Variants in ATP8A2 observed in about 807,000 individuals in gnomAD.
The protein encoded by ATP8A2 is ATPase phospholipid transporting 8A2, also known as phospholipid-transporting ATPase IB.
In ATP8A2, 100 loss-of-function variants were observed where a neutral mutation model predicts 165.6. The observed-to-expected ratio is 0.60, with a 90% confidence interval of 0.51 to 0.71. ATP8A2 has a LOEUF of 0.71. Ranked by LOEUF, ATP8A2 falls within the 30% of genes least tolerant of loss-of-function variation. The pLI, the probability that ATP8A2 is intolerant of heterozygous loss-of-function variation, is 0.00. For synonymous variants in ATP8A2, 543 were observed against 548.8 expected, an observed-to-expected ratio of 0.99 and a Z score of 0.15; for missense variants, 1,227 against 1,479.5, an observed-to-expected ratio of 0.83 and a Z score of 2.80.
chr13:25,781,299 T>C (rs1205574907), intron 27 of ATP8A2, among the ~76,000 whole-genome samples: 2 of 152,168 alleles, frequency 1.3e-5, no homozygotes, highest in African/African-American at 4.8e-5. Context: ...TTATGGTTCA[T>C]GTATAAATTG....
chr13:25,738,459 G>A (rs935968414), intron 25 of ATP8A2, among the ~76,000 whole-genome samples: 1 of 151,890 alleles, frequency 6.6e-6, no homozygotes, highest in African/African-American at 2.4e-5. Context: ...CACCATGGCT[G>A]GGCATGTGAA....
At chr13:25,780,856 C>T (rs2044858880) in intron 27 of ATP8A2, among the ~76,000 whole-genome samples, 1 of 152,176 alleles carries the variant, frequency 6.6e-6, no homozygotes, top group African/African-American at 2.4e-5. Context: ...GCCCTCCGCT[C>T]ACCTCCTGCT....
At chr13:25,939,128 C>T (rs942585725) in intron 33 of ATP8A2, among the ~76,000 whole-genome samples, 1 of 152,150 alleles carries the variant, frequency 6.6e-6, no homozygotes, top group Non-Finnish European at 1.5e-5. Flanking sequence ...TAGGCATGAG[C>T]CACCACGCCA....
intron 27 of ATP8A2, among the ~76,000 whole-genome samples, chr13:25,782,808 C>G (rs944346426): frequency 4.6e-5 from 7 of 152,140 alleles, no homozygotes; most frequent in African/African-American, 1.7e-4. Context: ...GGCGTGATCT[C>G]GACTCACTGC....
chr13:25,457,522 C>G (rs1445864650), intron 1 of ATP8A2, among the ~76,000 whole-genome samples: 1 of 152,258 alleles, frequency 6.6e-6, no homozygotes, highest in Admixed American at 6.5e-5. Flanking sequence ...AAAATTATCT[C>G]TAAAAATAAG....
chr13:25,473,615 A>G (rs1197920021), intron 2 of ATP8A2, among the ~76,000 whole-genome samples: 1 of 152,136 alleles, frequency 6.6e-6, no homozygotes, highest in Admixed American at 6.5e-5. Context: ...ATCACAGTCA[A>G]TTTTGGAACA....
intron 25 of ATP8A2, among the ~76,000 whole-genome samples, chr13:25,732,739 G>C (rs1294190267): frequency 2.6e-5 from 4 of 152,032 alleles, no homozygotes; most frequent in African/African-American, 7.2e-5. Context: ...ATCTCAAAGG[G>C]ATAACAATTA....
In ATP8A2 at chr13:25,958,121, A is replaced by G. The variant is rs955312605; in HGVS notation, c.3184-3454A>G. ...CACAGGGAGGGGAACATCACACACC[A>G]GGACCTGTTGTGGGGTGGGGGACTA... On this transcript the variant is annotated intron_variant, in intron 33 of 36. Transcript: ENST00000381655. Among the ~76,000 whole-genome samples the G allele has an allele frequency of 3.9e-5, 6 of 151,938 alleles. No homozygotes were observed. The South Asian group carries it at 1.3e-3, about 32-fold the overall frequency.
At chr13:25,426,530 G>A (rs558776521) in intron 1 of ATP8A2, among the ~76,000 whole-genome samples, 2 of 152,296 alleles carry the variant, frequency 1.3e-5, no homozygotes, top group South Asian at 4.2e-4. Flanking sequence ...AGGATTTTGA[G>A]AGCAGTAGAA....
intron 33 of ATP8A2, among the ~76,000 whole-genome samples, chr13:25,868,931 T>A (rs1056257298): frequency 7.9e-5 from 12 of 151,928 alleles, no homozygotes; most frequent in African/African-American, 2.4e-4. Flanking sequence ...TATCCAGGCA[T>A]GGTGGCGGGC....
At chr13:25,454,854 G>A (rs534536228) in intron 1 of ATP8A2, among the ~76,000 whole-genome samples, 51 of 152,276 alleles carry the variant, frequency 3.3e-4, no homozygotes, top group Middle Eastern at 3.4e-3. Flanking sequence ...CCCAGGAGGT[G>A]GAGGTTGCAG....
chr13:25,582,019 T>C, intron 23 of ATP8A2, 62 bp downstream of exon 23: 1 of 1,449,876 alleles, frequency 6.9e-7, no homozygotes, highest in Non-Finnish European at 9.5e-7. Flanking sequence ...CAAGTATCTT[T>C]TAAATGTGTC....
chr13:26,017,249 C>T (rs1007797677), intron 36 of ATP8A2, among the ~76,000 whole-genome samples: 29 of 152,206 alleles, frequency 1.9e-4, no homozygotes, highest in African/African-American at 6.5e-4. Flanking sequence ...AGTGACGACC[C>T]TGCCATTGCA....
At chr13:25,728,933 C>T (rs1253053325) in intron 25 of ATP8A2, among the ~76,000 whole-genome samples, 1 of 152,140 alleles carries the variant, frequency 6.6e-6, no homozygotes, top group Non-Finnish European at 1.5e-5. Flanking sequence ...ACTCTGAAAA[C>T]CCTGTTTTTC....
intron 22 of ATP8A2, among the ~76,000 whole-genome samples, chr13:25,581,187 A>C (rs1460766577): frequency 1.3e-5 from 2 of 152,170 alleles, no homozygotes; most frequent in Non-Finnish European, 2.9e-5. Context: ...ATGTGAGTAC[A>C]TGGAGCAGGC....
chr13:25,885,670 T>C (rs948721772), intron 33 of ATP8A2, among the ~76,000 whole-genome samples: 1 of 152,230 alleles, frequency 6.6e-6, no homozygotes, highest in Non-Finnish European at 1.5e-5. Flanking sequence ...ATTTTCTTCC[T>C]ATTTATTCTA....
intron 23 of ATP8A2, among the ~76,000 whole-genome samples, chr13:25,586,129 A>C (rs567006834): frequency 3.0e-4 from 45 of 152,358 alleles, no homozygotes; most frequent in African/African-American, 1.0e-3. Context: ...TTTAAAGATA[A>C]AACTGAGGCA....
chr13:25,622,881 G>A (rs935326917), intron 24 of ATP8A2, among the ~76,000 whole-genome samples: 1 of 152,070 alleles, frequency 6.6e-6, no homozygotes, highest in Non-Finnish European at 1.5e-5. Context: ...CTTATTGTAG[G>A]GTTATTTCAG....
chr13:25,541,980 T>C lies in ATP8A2; in HGVS notation c.713T>C (p.Ile238Thr). Residue 238 changes from isoleucine to threonine, a missense_variant, in exon 9 of 37, where the codon ATA becomes ACA. Transcript: ENST00000381655. ...GTTCTGATGAAGTTATCTGGAACTA[T>C]AGAGTGTGAAGGGCCCAACCGCCAC... Reference protein sequence around the residue: ...REVLMKLSGTIECEGPNRHLY... With the variant: ...REVLMKLSGTTECEGPNRHLY... The C allele has an allele frequency of 6.2e-7, 1 of 1,614,136 alleles. No homozygotes were observed. Among genetic ancestry groups the C allele is most frequent in the Admixed American group, 1.7e-5 (1 of 60,018 alleles).
Sources: gnomAD v4.1 joint callset for allele counts (sites outside exome capture counted in the v4.1 genomes callset) on GRCh38, gnomAD v4.1.1 for gene constraint, MANE v1.5 for transcripts, NCBI Gene and HGNC (gene_info 2026-07-23, HGNC 2026-07-21) for gene names.